GRK5: variants seen among roughly 807,000 people sequenced by gnomAD.
GRK5 encodes G protein-coupled receptor kinase 5, also known as g protein-coupled receptor kinase GRK5.
GRK5 carries 40 observed loss-of-function variants against 78.4 expected under a neutral mutation model. The observed-to-expected ratio is 0.51, with a 90% CI of 0.40 to 0.66. The LOEUF is 0.66. Among genes scored for constraint, GRK5 ranks in the 30% least tolerant of loss-of-function variants. The pLI is 0.00. For synonymous variants in GRK5, 289 were observed against 296.8 expected (o/e 0.97, Z 0.27); for missense variants, 598 against 759.9 (o/e 0.79, Z 2.50).
intron 2 of GRK5, among the ~76,000 whole-genome samples, chr10:119,370,630 G>A (rs533210008): frequency 3.3e-5 from 5 of 152,300 alleles, no homozygotes; most frequent in Admixed American, 6.5e-5. Flanking sequence ...ATGCCATCTC[G>A]CCTTTCAAAC....
intron 4 of GRK5, among the ~76,000 whole-genome samples, chr10:119,407,749 C>A (rs553071855): frequency 6.6e-6 from 1 of 152,288 alleles, no homozygotes; most frequent in Non-Finnish European, 1.5e-5. Context: ...GGAGGCTGGG[C>A]ATGGTGGCTC....
chr10:119,261,344 G>C (rs541984750), intron 1 of GRK5, among the ~76,000 whole-genome samples: 1 of 149,006 alleles, frequency 6.7e-6, no homozygotes, highest in Non-Finnish European at 1.5e-5. Flanking sequence ...ATGGGATGGC[G>C]GCCGGGAAGA....
At chr10:119,209,705 A>T (rs4752263) in intron 1 of GRK5, among the ~76,000 whole-genome samples, 1 of 151,154 alleles carries the variant, frequency 6.6e-6, no homozygotes, top group Non-Finnish European at 1.5e-5. Flanking sequence ...GGGGGCTGGG[A>T]AAGTTTTCAC....
rs201808382 is a variant in GRK5 at position 119,284,794 on chromosome 10, TC to T, written c.53-41719del. Reference sequence around the variant, plus strand: ...GGCTGCCAGTGACACCACGTGTCTCTCCCAAGTGTGAGTGCTGGATGCAAGG... The same window carrying T: ...GGCTGCCAGTGACACCACGTGTCTCTCCAAGTGTGAGTGCTGGATGCAAGG... On this transcript the variant is annotated intron_variant, in intron 1 of 15. Transcript: ENST00000392870. 1.0e-3 allele frequency among the ~76,000 whole-genome samples: 155 copies of T among 152,330 alleles called. 3 individuals carry two copies. The East Asian group carries it at 0.028, about 28-fold the overall frequency.
chr10:119,322,877 G>A (rs552542218), intron 1 of GRK5, among the ~76,000 whole-genome samples: 2 of 152,320 alleles, frequency 1.3e-5, no homozygotes, highest in East Asian at 1.9e-4. Context: ...AGCGTTATAC[G>A]TAATAGCTAA....
intron 1 of GRK5, among the ~76,000 whole-genome samples, chr10:119,237,747 C>A (rs1390563647): frequency 6.6e-6 from 1 of 152,144 alleles, no homozygotes; most frequent in Non-Finnish European, 1.5e-5. Context: ...GAGACCCTTC[C>A]ATCTCAGCCT....
chr10:119,390,667 C>G (rs1035492640), intron 3 of GRK5, among the ~76,000 whole-genome samples: 1 of 152,168 alleles, frequency 6.6e-6, no homozygotes. Context: ...TGCATTCCAG[C>G]CTGGGCAACA....
At chr10:119,413,012 G>A (rs1852376080) in intron 4 of GRK5, among the ~76,000 whole-genome samples, 1 of 152,172 alleles carries the variant, frequency 6.6e-6, no homozygotes, top group African/African-American at 2.4e-5. Flanking sequence ...TTTACAGATG[G>A]TGAATTCGTC....
intron 1 of GRK5, among the ~76,000 whole-genome samples, chr10:119,314,245 G>T (rs1176077938): frequency 7.2e-5 from 11 of 152,224 alleles, no homozygotes; most frequent in Admixed American, 3.9e-4. Flanking sequence ...CCCAGAAAGG[G>T]TTCCAGCCCC....
At chr10:119,321,919 T>A (rs908511922) in intron 1 of GRK5, among the ~76,000 whole-genome samples, 2 of 152,002 alleles carry the variant, frequency 1.3e-5, no homozygotes, top group Non-Finnish European at 2.9e-5. Flanking sequence ...ACCCCTGTTC[T>A]TTTCCTAAAT....
chr10:119,228,733 G>A (rs1317177209), intron 1 of GRK5, among the ~76,000 whole-genome samples: 11 of 152,184 alleles, frequency 7.2e-5, no homozygotes, highest in African/African-American at 1.7e-4. Flanking sequence ...ACGAATGTGC[G>A]TTACACTTAA....
chr10:119,260,281 G>A (rs924570151), intron 1 of GRK5, among the ~76,000 whole-genome samples: 4 of 151,922 alleles, frequency 2.6e-5, no homozygotes, highest in African/African-American at 4.8e-5. Context: ...GATTACAGGC[G>A]TGAGCCGCCG....
In GRK5 at chr10:119,207,931, ACAT is replaced by A. The variant is rs1848414779; in HGVS notation, c.16_18del (p.Ile6del). ...CGCCGACTGTCAATGGAGCTGGAAA[ACAT>A]CGTGGCCAACACGGTCTTGCTGAAA... is the stretch of plus-strand genomic sequence containing the variant. On this transcript the variant is annotated inframe_deletion, in exon 1 of 16. Coordinates refer to ENST00000392870, the MANE Select transcript of GRK5 (RefSeq NM_005308.3). 3 of 1,603,904 alleles carry A rather than the reference ACAT, an allele frequency of 1.9e-6. No individual in the cohort carries two copies. Among genetic ancestry groups the A allele is most frequent in the Non-Finnish European group, 2.6e-6 (3 of 1,176,208 alleles).
At chr10:119,381,904 T>C (rs557032223) in intron 3 of GRK5, among the ~76,000 whole-genome samples, 81 of 152,328 alleles carry the variant, frequency 5.3e-4, no homozygotes, top group African/African-American at 1.9e-3. Context: ...GATCTCGATG[T>C]GCATCTCTAG....
At chr10:119,257,821 G>GCTC (rs1259981010) in intron 1 of GRK5, among the ~76,000 whole-genome samples, 1 of 152,218 alleles carries the variant, frequency 6.6e-6, no homozygotes, top group African/African-American at 2.4e-5. Flanking sequence ...CTTGTGTGCA[G>GCTC]CTCCTCAGTT....
chr10:119,325,370 G>A (rs1400260992), intron 1 of GRK5, among the ~76,000 whole-genome samples: 2 of 152,182 alleles, frequency 1.3e-5, no homozygotes. Context: ...GCTGGGAGAG[G>A]GCTGGAGCTG....
At chr10:119,360,862 C>T (rs1430554886) in intron 2 of GRK5, among the ~76,000 whole-genome samples, 1 of 152,168 alleles carries the variant, frequency 6.6e-6, no homozygotes, top group Non-Finnish European at 1.5e-5. Context: ...CCTTCCTGCC[C>T]GAGGCCCTGA....
At chr10:119,219,093 TAGCC>T (rs1485095519) in intron 1 of GRK5, among the ~76,000 whole-genome samples, 1 of 152,112 alleles carries the variant, frequency 6.6e-6, no homozygotes, top group Non-Finnish European at 1.5e-5. Context: ...TTCACCGTGT[TAGCC>T]AGGATGGTCT....
chr10:119,307,399 G>A (rs566353134), intron 1 of GRK5, among the ~76,000 whole-genome samples: 4 of 152,176 alleles, frequency 2.6e-5, no homozygotes, highest in Non-Finnish European at 5.9e-5. Flanking sequence ...AGGCTGTTGA[G>A]ATGGAGAGGT....
Sources: allele counts gnomAD v4.1 joint callset (sites outside exome capture counted in the v4.1 genomes callset), GRCh38; gene constraint gnomAD v4.1.1; transcripts MANE v1.5; gene names NCBI Gene and HGNC (gene_info 2026-07-23, HGNC 2026-07-21).